Variants in SAMMSON observed in about 807,000 individuals in gnomAD.
The protein encoded by SAMMSON is long intergenic non-protein coding RNA 1212.
At chr3:70,165,334 A>T (rs1448082838) in intron 4 of SAMMSON, among the ~76,000 whole-genome samples, 1 of 152,006 alleles carries the variant, frequency 6.6e-6, no homozygotes, top group Non-Finnish European at 1.5e-5. Context: ...TGTTGGTATT[A>T]GAGATGAGGC....
At position 70,255,076 on chromosome 3, in the gene SAMMSON, A is replaced by C. The variant is rs377590457; in HGVS notation, n.674+5406A>C. Among the ~76,000 whole-genome samples the C allele has an allele frequency of 7.9e-5, 12 of 152,352 alleles. No homozygotes were observed. The East Asian group carries it at 2.1e-3, about 27-fold the overall frequency. On this transcript the variant is annotated intron_variant and non_coding_transcript_variant, in intron 6 of 9. Transcript: ENST00000642114. ...GCTTGAGAAAGAGAGAAACGCAGGT[A>C]AAACCTGTGGAACAATTGAAAGTTC...
chr3:70,180,567 C>T (rs973539523), intron 4 of SAMMSON, among the ~76,000 whole-genome samples: 2 of 152,126 alleles, frequency 1.3e-5, no homozygotes, highest in Admixed American at 6.6e-5. Flanking sequence ...CTCTTTTATA[C>T]ACCGACATAA....
At chr3:70,350,184 A>G (rs959765870) in intron 7 of SAMMSON, among the ~76,000 whole-genome samples, 1 of 152,182 alleles carries the variant, frequency 6.6e-6, no homozygotes, top group Admixed American at 6.5e-5. Flanking sequence ...CAGAATGCAA[A>G]AAGTGTTCCT....
intron 2 of SAMMSON, among the ~76,000 whole-genome samples, chr3:70,408,724 C>A (rs1251155141): frequency 6.6e-6 from 1 of 152,138 alleles, no homozygotes; most frequent in Admixed American, 6.5e-5. Context: ...CCTGAGCCCC[C>A]CAAACTGTTC....
intron 4 of SAMMSON, among the ~76,000 whole-genome samples, chr3:70,167,247 C>A (rs962167085): frequency 2.0e-5 from 3 of 151,842 alleles, no homozygotes; most frequent in Non-Finnish European, 2.9e-5. Flanking sequence ...GCATATTAAA[C>A]TATAGTTGGC....
At chr3:70,425,237 T>C (rs1205558599) in intron 2 of SAMMSON, 1 of 152,158 alleles carries the variant, frequency 6.6e-6, no homozygotes, top group Non-Finnish European at 1.5e-5. Context: ...AATAAGAATA[T>C]TAGACTTAAT....
At chr3:70,352,138 T>C (rs1368793521) in intron 7 of SAMMSON, among the ~76,000 whole-genome samples, 3 of 149,306 alleles carry the variant, frequency 2.0e-5, no homozygotes, top group African/African-American at 4.9e-5. Flanking sequence ...GATGAACCTA[T>C]ACGTTCAAGA....
intron 6 of SAMMSON, among the ~76,000 whole-genome samples, chr3:70,287,521 T>C (rs1418308603): frequency 6.6e-6 from 1 of 151,888 alleles, no homozygotes; most frequent in Admixed American, 6.6e-5. Context: ...AAAATTCTCT[T>C]TTTTGGTTGT....
intron 4 of SAMMSON, among the ~76,000 whole-genome samples, chr3:70,213,673 G>A (rs59892538): frequency 6.6e-6 from 1 of 152,108 alleles, no homozygotes; most frequent in African/African-American, 2.4e-5. Flanking sequence ...TGAAAATTTT[G>A]TGAAGTTCAT....
chr3:70,006,207 A>G (rs1364547595), intron 1 of SAMMSON, among the ~76,000 whole-genome samples: 4 of 152,224 alleles, frequency 2.6e-5, no homozygotes, highest in African/African-American at 7.2e-5. Flanking sequence ...ACATGCACCA[A>G]TTACAGAATA....
At chr3:70,001,853 C>A (rs971683060) in intron 1 of SAMMSON, among the ~76,000 whole-genome samples, 8 of 152,294 alleles carry the variant, frequency 5.3e-5, no homozygotes, top group African/African-American at 1.9e-4. Flanking sequence ...GGAGCAATAC[C>A]TGATGCCCAG....
At chr3:70,255,069 C>T (rs145430475) in intron 6 of SAMMSON, among the ~76,000 whole-genome samples, 11 of 152,088 alleles carry the variant, frequency 7.2e-5, no homozygotes, top group East Asian at 1.9e-4. Flanking sequence ...AAGAGAGAAA[C>T]GCAGGTAAAA....
chr3:70,406,201 A>G (rs1260601002), intron 2 of SAMMSON, among the ~76,000 whole-genome samples: 2 of 152,236 alleles, frequency 1.3e-5, no homozygotes, highest in African/African-American at 2.4e-5. Flanking sequence ...AAACAAATAC[A>G]AGGAAACAAA....
intron 4 of SAMMSON, among the ~76,000 whole-genome samples, chr3:70,231,741 A>G (rs950160289): frequency 6.6e-6 from 1 of 152,160 alleles, no homozygotes; most frequent in African/African-American, 2.4e-5. Context: ...GGAGAGAAGA[A>G]ATGGGACAAA....
intron 4 of SAMMSON, among the ~76,000 whole-genome samples, chr3:70,182,251 A>G (rs1392474071): frequency 3.3e-5 from 5 of 152,130 alleles, no homozygotes; most frequent in Non-Finnish European, 7.4e-5. Context: ...GGGGGAGCTG[A>G]AAAACACTTG....
chr3:70,307,588 G>A (rs1277042834), intron 7 of SAMMSON, among the ~76,000 whole-genome samples: 1 of 151,828 alleles, frequency 6.6e-6, no homozygotes, highest in Admixed American at 6.6e-5. Context: ...CTTTGATATG[G>A]CTTTCATTCA....
intron 4 of SAMMSON, among the ~76,000 whole-genome samples, chr3:70,171,446 C>G (rs1320135707): frequency 6.6e-6 from 1 of 151,604 alleles, no homozygotes; most frequent in Non-Finnish European, 1.5e-5. Context: ...CATATCAAAC[C>G]CATACTGTTC....
chr3:70,263,862 A>G (rs1701890380), intron 6 of SAMMSON, among the ~76,000 whole-genome samples: 1 of 151,804 alleles, frequency 6.6e-6, no homozygotes, highest in Admixed American at 6.6e-5. Context: ...GGTGGAACTC[A>G]CTTTGTTTCC....
intron 9 of SAMMSON, among the ~76,000 whole-genome samples, chr3:70,383,069 C>CT (rs1703086790): frequency 6.6e-6 from 1 of 152,092 alleles, no homozygotes; most frequent in Non-Finnish European, 1.5e-5. Context: ...TCATAGGTAA[C>CT]TTCCCTTCAT....
Sources: gnomAD v4.1 joint callset for allele counts (sites outside exome capture counted in the v4.1 genomes callset) on GRCh38, gnomAD v4.1.1 for gene constraint, MANE v1.5 for transcripts, NCBI Gene and HGNC (gene_info 2026-07-23, HGNC 2026-07-21) for gene names.